The following PLXND1 variants were observed in gnomAD, a reference collection of about 807,000 sequenced individuals.
PLXND1 encodes the protein plexin-D1.
Under a neutral mutation model 197.7 loss-of-function variants are expected in PLXND1, and 54 were observed. That is an observed-to-expected ratio of 0.27 (90% CI 0.22 to 0.34). The LOEUF (loss-of-function observed/expected upper bound fraction) is 0.34, where lower values mean the gene tolerates loss of function less well. Ranked by LOEUF, PLXND1 falls within the 10% of genes least tolerant of loss-of-function variation. The probability of loss-of-function intolerance (pLI) is 1.00; values close to 1 mark genes in which losing one functional copy is unlikely to be tolerated. For missense variants in PLXND1, 2,127 were observed against 2,699.2 expected (o/e 0.79, Z 4.70); for synonymous variants, 1,180 against 1,161.2 (o/e 1.02, Z -0.33).
At chr3:129,597,898 T>C (rs1190354222) in intron 1 of PLXND1, among the ~76,000 whole-genome samples, 2 of 152,218 alleles carry the variant, frequency 1.3e-5, no homozygotes, top group African/African-American at 2.4e-5. Context: ...AATCCCCACA[T>C]GGCTGTCAGA....
chr3:129,570,630 T>G, intron 19 of PLXND1, 156 bp downstream of exon 19: 1 of 727,850 alleles, frequency 1.4e-6, no homozygotes, highest in Non-Finnish European at 2.3e-6. Flanking sequence ...AGTTTCCTCA[T>G]ATGTCAAGTG....
At chr3:129,559,501 G>A in intron 32 of PLXND1, 119 bp downstream of exon 32, 1 of 738,740 alleles carries the variant, frequency 1.4e-6, no homozygotes, top group Non-Finnish European at 2.2e-6. Context: ...CACACAGCTG[G>A]GAAATGGCAG....
At chr3:129,559,590 T>C (rs1437845537) in intron 32 of PLXND1, 30 bp downstream of exon 32, 3 of 1,552,082 alleles carry the variant, frequency 1.9e-6, no homozygotes, top group Non-Finnish European at 2.6e-6. Context: ...AGTGGCACAG[T>C]GAAGTCCACA....
At chr3:129,601,294 G>A (rs1051232243) in intron 1 of PLXND1, among the ~76,000 whole-genome samples, 6 of 152,138 alleles carry the variant, frequency 3.9e-5, no homozygotes, top group Admixed American at 6.5e-5. Context: ...TCTGCCTCTG[G>A]CCTCACACTT....
At chr3:129,590,083 A>C (rs188371615) in intron 1 of PLXND1, among the ~76,000 whole-genome samples, 2 of 152,232 alleles carry the variant, frequency 1.3e-5, no homozygotes, top group East Asian at 1.9e-4. Flanking sequence ...CCAAAGCCCC[A>C]GCAGCTTGCA....
At chr3:129,573,057 T>A in intron 13 of PLXND1, 116 bp from the exon 14 acceptor site, 1 of 692,752 alleles carries the variant, frequency 1.4e-6, no homozygotes, top group South Asian at 1.7e-5. Flanking sequence ...CTTCTATGTA[T>A]AATTTACCCC....
rs146738111 is a variant in PLXND1, at chr3:129,585,978, C to T, written c.1825G>A (p.Glu609Lys). ...GGGTACTCCTGGCGCACATCGATCT[C>T]GGAAGGCAGGACGGTCATGGCAGGA... ...RCPAMTVLPS[E>K]IDVRQEYPGM... is the part of the protein sequence containing the mutation. Residue 609 changes from glutamate to lysine, a missense_variant, in exon 5 of 36, where the codon GAG becomes AAG. This residue lies in a region of PLXND1 where 1,095 missense variants were observed against 1,259.8 expected (regional missense o/e 0.87). Transcript: ENST00000324093. 3.2e-5 allele frequency: 52 copies of T among 1,614,100 alleles called. No individual in the cohort carries two copies. Among genetic ancestry groups the T allele is most frequent in the Non-Finnish European group, 3.6e-5 (43 of 1,180,036 alleles).
intron 5 of PLXND1, among the ~76,000 whole-genome samples, 175 bp downstream of exon 5, chr3:129,585,777 T>C (rs1400747008): frequency 6.6e-6 from 1 of 152,240 alleles, no homozygotes; most frequent in African/African-American, 2.4e-5. Context: ...ACAGAGCACG[T>C]GCCTGGCACT....
At chr3:129,565,782 A>G in intron 24 of PLXND1, 105 bp downstream of exon 24, 1 of 1,242,022 alleles carries the variant, frequency 8.1e-7, no homozygotes, top group Non-Finnish European at 1.1e-6. Context: ...GGGCTGGAAT[A>G]TGGGGGTGTC....
chr3:129,557,091 C>T lies in PLXND1; in HGVS notation c.5578G>A (p.Glu1860Lys), dbSNP rs779156611. The part of the protein sequence containing the change: ...EQEMNAHLAE[E>K]SRKYQNEFNT... ...CCGCCGAGCCACCGCACCCTCGACT[C>T]CTCGGCCAGATGGGCATTCATCTCT... Residue 1860 changes from glutamate to lysine, a missense_variant, in exon 34 of 36, where the codon GAG becomes AAG. Glu to Lys is a moderately conservative substitution (Grantham distance 56). This residue lies in a region of PLXND1 where 200 missense variants were observed against 303.3 expected (regional missense o/e 0.66). Transcript: ENST00000324093. This position sits in a 1 kb window ranked among gnomAD's most constrained non-coding sequence, Gnocchi z 4.8. 62 of 1,613,880 alleles carry T rather than the reference C, an allele frequency of 3.8e-5. No individual in the cohort carries two copies. The highest frequency in any genetic ancestry group is 3.3e-5 in the Non-Finnish European group (39 of 1,180,034).
intron 1 of PLXND1, among the ~76,000 whole-genome samples, chr3:129,604,415 A>G (rs1262002466): frequency 1.3e-5 from 2 of 152,214 alleles, no homozygotes; most frequent in African/African-American, 4.8e-5. Context: ...CTAGTGCCCA[A>G]CTGTGTGATC....
At chr3:129,559,906 A>C in intron 31 of PLXND1, 123 bp from the exon 32 acceptor site, 1 of 856,196 alleles carries the variant, frequency 1.2e-6, no homozygotes, top group African/African-American at 1.7e-5. Context: ...ACATGGCATC[A>C]GGCTGGTCAC....
At chr3:129,568,027 T>A (rs1189609910) in intron 20 of PLXND1, among the ~76,000 whole-genome samples, 3 of 151,930 alleles carry the variant, frequency 2.0e-5, no homozygotes, top group Non-Finnish European at 2.9e-5. Flanking sequence ...CAATGCCTGA[T>A]GACCCGTCCT....
chr3:129,583,481 A>C, intron 8 of PLXND1, 86 bp downstream of exon 8: 8 of 829,078 alleles, frequency 9.6e-6, no homozygotes, highest in Non-Finnish European at 1.6e-5. Context: ...GGAATATGCA[A>C]AGGCATTGAA....
Position 129,557,197 on chromosome 3 carries a change from G to A in PLXND1, c.5472C>T (p.Tyr1824=), listed in dbSNP as rs554429812. The change falls in exon 34 of 36, where the codon TAC becomes TAT. Residue 1824 remains tyrosine, a synonymous_variant. Transcript: ENST00000324093. The surrounding 1 kb of genome is among the most constrained non-coding windows in gnomAD (Gnocchi z 4.8). ...GKDSPTNKLL[Y]AKEIPEYRKI... is the part of the protein sequence containing the mutation. ...TCCGGTACTCAGGAATCTCCTTGGC[G>A]TAGAGGAGCTTGTTGGTTGGCGAAT... The A allele has an allele frequency of 1.1e-4, 175 of 1,614,158 alleles. 4 individuals are homozygous for A. The South Asian group carries it at 1.7e-3, about 16-fold the overall frequency.
chr3:129,564,141 A>G (rs1578311060), intron 25 of PLXND1, among the ~76,000 whole-genome samples: 1 of 152,092 alleles, frequency 6.6e-6, no homozygotes. Flanking sequence ...AGGCGGAGGC[A>G]CCCCAATGGC....
intron 29 of PLXND1, among the ~76,000 whole-genome samples, chr3:129,561,393 C>T (rs1409154698): frequency 6.6e-6 from 1 of 152,228 alleles, no homozygotes; most frequent in Non-Finnish European, 1.5e-5. Context: ...CTGCCCAGAC[C>T]TCCTGGAACT....
At chr3:129,603,335 G>A (rs1348246887) in intron 1 of PLXND1, among the ~76,000 whole-genome samples, 1 of 152,202 alleles carries the variant, frequency 6.6e-6, no homozygotes, top group Non-Finnish European at 1.5e-5. Context: ...TGCACCGAGG[G>A]AGCGGACCGT....
rs549207860 is a variant in PLXND1, at chr3:129,555,322, C to T, written c.*990G>A. 13 of 558,386 alleles carry T rather than the reference C, an allele frequency of 2.3e-5. No homozygotes were observed. The highest frequency in any genetic ancestry group is 1.0e-4 in the East Asian group (3 of 29,990). The allele number at this position is 558,386 out of a possible 1,614,324, so 34.6% of individuals were successfully genotyped here. On this transcript the variant is annotated 3_prime_UTR_variant, in exon 36 of 36. Transcript: ENST00000324093. ...GTCCCAACACTGGCTGAGTTGGCTGCGAGGGGCCCGCATGGCCCATCGGCC... is the reference window on the plus strand; with the variant it reads ...GTCCCAACACTGGCTGAGTTGGCTGTGAGGGGCCCGCATGGCCCATCGGCC...
Sources: allele counts gnomAD v4.1 joint callset (sites outside exome capture counted in the v4.1 genomes callset), GRCh38; gene constraint gnomAD v4.1.1; regional missense constraint gnomAD v4.1.1; non-coding constraint Gnocchi (gnomAD v3.1); transcripts MANE v1.5; gene names NCBI Gene and HGNC (gene_info 2026-07-23, HGNC 2026-07-21).